COL12A1: variants seen among roughly 807,000 people sequenced by gnomAD.
The protein encoded by COL12A1 is collagen type XII alpha 1 chain.
COL12A1 carries 114 observed loss-of-function variants against 349.7 expected under a neutral mutation model. The ratio of observed to expected loss-of-function variants is 0.33; its 90% CI spans 0.28 to 0.38. The LOEUF (loss-of-function observed/expected upper bound fraction) is 0.38, where lower values mean the gene tolerates loss of function less well. Ranked by LOEUF, COL12A1 falls within the 10% of genes least tolerant of loss-of-function variation. The probability of loss-of-function intolerance (pLI) is 1.00; values close to 1 mark genes in which losing one functional copy is unlikely to be tolerated. For missense variants in COL12A1, 3,284 were observed against 3,756.9 expected, an observed-to-expected ratio of 0.87 and a Z score of 3.29; for synonymous variants, 1,369 against 1,329.0, an observed-to-expected ratio of 1.03 and a Z score of -0.66.
Position 75,153,233 on chromosome 6 carries a change from G to A in COL12A1, c.3566-751C>T, listed in dbSNP as rs572668487. Among the ~76,000 whole-genome samples, 3 of 152,168 alleles carry A rather than the reference G, an allele frequency of 2.0e-5. No homozygotes were observed. The South Asian group carries it at 6.2e-4, about 32-fold the overall frequency. ...ATCAAGAAAGAAGGAAGACAATTTA[G>A]AAAAGTATGCAAACAAATATACAAA... is the stretch of plus-strand genomic sequence containing the variant. On this transcript the variant is annotated intron_variant, in intron 17 of 65. Coordinates refer to ENST00000322507, the MANE Select transcript of COL12A1 (RefSeq NM_004370.6).
rs112175194 is a variant in COL12A1 at position 75,163,600 on chromosome 6, G to T, written c.2983+1907C>A. Among the ~76,000 whole-genome samples the T allele has an allele frequency of 2.6e-5, 4 of 152,010 alleles. No homozygotes were observed. In the East Asian group the frequency reaches 7.7e-4, roughly 29 times the overall value. ...TGGGTGCAACAAACCACCATGGCAC[G>T]TGTATACCTATGTAAAAAACCTACA... On this transcript the variant is annotated intron_variant, in intron 14 of 65. Transcript: ENST00000322507.
chr6:75,115,340 T>TA (rs1769024684), intron 49 of COL12A1, among the ~76,000 whole-genome samples: 1 of 152,064 alleles, frequency 6.6e-6, no homozygotes, highest in African/African-American at 2.4e-5. Flanking sequence ...CATCAGCCAA[T>TA]AAAAACTACA....
chr6:75,097,404 G>A (rs1768100264), intron 58 of COL12A1, 98 bp from the exon 59 acceptor site: 1 of 865,678 alleles, frequency 1.2e-6, no homozygotes, highest in Admixed American at 2.1e-5. Context: ...CTGAAGAGAA[G>A]GATTTAGCCC....
intron 54 of COL12A1, among the ~76,000 whole-genome samples, chr6:75,104,859 A>C (rs1448315649): frequency 6.6e-6 from 1 of 152,220 alleles, no homozygotes; most frequent in Non-Finnish European, 1.5e-5. Flanking sequence ...CTGTGGCTTT[A>C]TACCAAACAT....
intron 2 of COL12A1, among the ~76,000 whole-genome samples, chr6:75,198,790 C>G (rs960676913): frequency 6.6e-6 from 1 of 151,968 alleles, no homozygotes; most frequent in Non-Finnish European, 1.5e-5. Flanking sequence ...ATACATAATG[C>G]GCTATAGATA....
chr6:75,104,505 T>G (rs1768451050), intron 54 of COL12A1, among the ~76,000 whole-genome samples: 1 of 152,214 alleles, frequency 6.6e-6, no homozygotes, highest in Admixed American at 6.5e-5. Context: ...GAGCTCCTCC[T>G]GTGTTAATTA....
chr6:75,143,795 G>GA, intron 25 of COL12A1, among the ~76,000 whole-genome samples: 1 of 152,114 alleles, frequency 6.6e-6, no homozygotes, highest in South Asian at 2.1e-4. Flanking sequence ...GAACGTGACA[G>GA]AAAAAAATAG....
Position 75,085,713 on chromosome 6 carries a change from C to CAATTGAGTA in COL12A1, c.*833_*834insTACTCAATT, listed in dbSNP as rs1767456042. ...GTTTATGCCTTCAAACTCCTCAATT[C>CAATTGAGTA]AAAGAACAACTTGGAAAGATGAGGA... is the stretch of plus-strand genomic sequence containing the variant. On this transcript the variant is annotated 3_prime_UTR_variant, in exon 66 of 66. Transcript: ENST00000322507. 4.6e-6 allele frequency: 1 copy of CAATTGAGTA among 219,342 alleles called. No homozygotes were observed. The highest frequency in any genetic ancestry group is 9.5e-6 in the Non-Finnish European group (1 of 105,388). 13.6% of individuals were successfully genotyped at this position (219,342 alleles called of 1,614,324 possible). A position where few individuals can be genotyped will look rare whatever the true frequency, so the allele number is the denominator to read the frequency against.
chr6:75,128,253 C>A lies in COL12A1; in HGVS notation c.6340+43G>T, dbSNP rs377152936. On this transcript the variant is annotated intron_variant, in intron 38 of 65. Coordinates refer to ENST00000322507, the MANE Select transcript of COL12A1 (RefSeq NM_004370.6). Reference sequence around the variant, plus strand: ...TATAAAAGCAACATTAACATATTGACAATTTCAAAGCAAAAATAAAAGGGG... The same window carrying A: ...TATAAAAGCAACATTAACATATTGAAAATTTCAAAGCAAAAATAAAAGGGG... The A allele has an allele frequency of 3.0e-4, 448 of 1,508,784 alleles. 2 individuals carry two copies. In the South Asian group the frequency reaches 3.5e-3, roughly 12 times the overall value. The allele number at this position is 1,508,784 out of a possible 1,614,324, so 93.5% of individuals were successfully genotyped here. A position where few individuals can be genotyped will look rare whatever the true frequency, so the allele number is the denominator to read the frequency against.
intron 43 of COL12A1, among the ~76,000 whole-genome samples, chr6:75,121,858 CTTTTTT>C (rs60234784): frequency 8.5e-4 from 114 of 134,474 alleles, no homozygotes; most frequent in African/African-American, 3.0e-3. Flanking sequence ...CAAATAAGTC[CTTTTTT>C]TTTTTTTTTT....
chr6:75,105,854 A>G (rs1262088840), intron 53 of COL12A1, among the ~76,000 whole-genome samples: 1 of 152,212 alleles, frequency 6.6e-6, no homozygotes, highest in East Asian at 1.9e-4. Context: ...GCTTAACACA[A>G]GCACACAGAT....
intron 8 of COL12A1, among the ~76,000 whole-genome samples, chr6:75,185,790 T>C (rs1334677272): frequency 6.6e-6 from 1 of 152,042 alleles, no homozygotes; most frequent in Non-Finnish European, 1.5e-5. Context: ...TGTTACAGAA[T>C]AGAGAATCCA....
intron 13 of COL12A1, among the ~76,000 whole-genome samples, chr6:75,173,984 A>G (rs1297808469): frequency 6.6e-6 from 1 of 152,246 alleles, no homozygotes; most frequent in Non-Finnish European, 1.5e-5. Flanking sequence ...AGTCAACATC[A>G]TGGGATTTTT....
At chr6:75,193,196 G>T (rs1206487367) in intron 3 of COL12A1, among the ~76,000 whole-genome samples, 2 of 152,110 alleles carry the variant, frequency 1.3e-5, no homozygotes, top group African/African-American at 4.8e-5. Context: ...TGCCAGGTTG[G>T]GTAGCCCCAG....
chr6:75,162,929 C>A (rs1768099387), intron 14 of COL12A1, among the ~76,000 whole-genome samples: 1 of 152,172 alleles, frequency 6.6e-6, no homozygotes, highest in African/African-American at 2.4e-5. Context: ...CATCACTGAT[C>A]ATTAGAGAAA....
At chr6:75,143,908 G>A (rs995223106) in intron 25 of COL12A1, among the ~76,000 whole-genome samples, 3 of 152,180 alleles carry the variant, frequency 2.0e-5, no homozygotes, top group Non-Finnish European at 4.4e-5. Flanking sequence ...AATGGTAAAT[G>A]TTTACCAAAT....
At chr6:75,099,942 T>C (rs1165078528) in intron 58 of COL12A1, among the ~76,000 whole-genome samples, 1 of 152,208 alleles carries the variant, frequency 6.6e-6, no homozygotes, top group Non-Finnish European at 1.5e-5. Context: ...ACGTTTTGTT[T>C]TGTTTTGTTT....
Position 75,152,154 on chromosome 6 carries a change from T to C in COL12A1, c.3812A>G (p.Tyr1271Cys). Residue 1271 changes from tyrosine (Y) to cysteine (C), a missense_variant, in exon 19 of 66, where the codon TAC (tyrosine) becomes TGC (cysteine). This residue lies in a region of COL12A1 where 2,601 missense variants were observed against 2,824.8 expected (regional missense o/e 0.92). Coordinates refer to ENST00000322507, the MANE Select transcript of COL12A1 (RefSeq NM_004370.6). ...SLLQAVANLPYKGGNTLTGMA... is the reference protein window; with the variant it reads ...SLLQAVANLPCKGGNTLTGMA... The stretch of plus-strand genomic sequence containing the variant: ...ACCTGTGAGAGTATTGCCTCCTTTG[T>C]ACGGCAAGTTTGCCACAGCTTGCAA... 6.2e-7 allele frequency: 1 copy of C among 1,613,860 alleles called. No homozygotes were observed. The highest frequency in any genetic ancestry group is 8.5e-7 in the Non-Finnish European group (1 of 1,179,818).
chr6:75,130,882 C>T lies in COL12A1; in HGVS notation c.6037G>A (p.Gly2013Arg), dbSNP rs772738706. 3.1e-6 allele frequency: 5 copies of T among 1,613,928 alleles called. No individual in the cohort carries two copies. Among genetic ancestry groups the T allele is most frequent in the East Asian group, 2.2e-5 (1 of 44,878 alleles). The stretch of plus-strand genomic sequence containing the variant: ...CGGCCCTGGGCAGGGCTGGGATTTC[C>T]CTCTCCATCCGAGTACAGAGCCACA... ...NLVALYSDGE[G>R]NPSPAQGRTL... The change falls in exon 36 of 66, where the codon GGA (glycine) becomes AGA (arginine). Residue 2013 changes from glycine (G) to arginine (R), a missense_variant. Coordinates refer to ENST00000322507, the MANE Select transcript of COL12A1 (RefSeq NM_004370.6).
Sources: allele counts gnomAD v4.1 joint callset (sites outside exome capture counted in the v4.1 genomes callset), GRCh38; gene constraint gnomAD v4.1.1; regional missense constraint gnomAD v4.1.1; transcripts MANE v1.5; gene names NCBI Gene and HGNC (gene_info 2026-07-23, HGNC 2026-07-21).